Variants in INPP4B observed in about 807,000 individuals in gnomAD.
The protein encoded by INPP4B is inositol polyphosphate 4-phosphatase type II.
In INPP4B, 55 loss-of-function variants were observed where a neutral mutation model predicts 122.5. That is an observed-to-expected ratio of 0.45 (90% CI 0.36 to 0.56). The LOEUF (loss-of-function observed/expected upper bound fraction) is 0.56, where lower values mean the gene tolerates loss of function less well. INPP4B is among the 20% of genes least tolerant of loss of function. The pLI, the probability that INPP4B is intolerant of heterozygous loss-of-function variation, is 0.00. For missense variants in INPP4B, 1,000 were observed against 1,097.7 expected, an observed-to-expected ratio of 0.91 and a Z score of 1.26; for synonymous variants, 403 against 388.7, an observed-to-expected ratio of 1.04 and a Z score of -0.43.
chr4:142,324,155 A>G (rs2151450985), intron 7 of INPP4B, among the ~76,000 whole-genome samples: 1 of 152,316 alleles, frequency 6.6e-6, no homozygotes, highest in African/African-American at 2.4e-5. Flanking sequence ...AGGCAGCAAG[A>G]GGGCCACTGT....
At chr4:142,089,147 T>C (rs1415433438) in intron 23 of INPP4B, among the ~76,000 whole-genome samples, 1 of 152,190 alleles carries the variant, frequency 6.6e-6, no homozygotes, top group Non-Finnish European at 1.5e-5. Context: ...AGGAGAATCA[T>C]GTTCTGCTCT....
chr4:142,362,694 A>G (rs1185287858), intron 7 of INPP4B, among the ~76,000 whole-genome samples: 1 of 152,018 alleles, frequency 6.6e-6, no homozygotes, highest in African/African-American at 2.4e-5. Context: ...AGCAACATGG[A>G]TGCAGTTGGA....
chr4:142,628,869 C>A (rs1483808653), intron 2 of INPP4B, among the ~76,000 whole-genome samples: 2 of 151,950 alleles, frequency 1.3e-5, no homozygotes, highest in East Asian at 3.9e-4. Context: ...GGGAGGAGCA[C>A]AAATAAAGTA....
At chr4:142,468,166 A>G (rs1335148606) in intron 2 of INPP4B, 1 of 152,202 alleles carries the variant, frequency 6.6e-6, no homozygotes, top group Non-Finnish European at 1.5e-5. Context: ...TGAGGTTTTC[A>G]TAACATCCTT....
intron 2 of INPP4B, among the ~76,000 whole-genome samples, chr4:142,530,550 C>CATATAT (rs35595178): frequency 4.3e-4 from 61 of 140,468 alleles, no homozygotes; most frequent in Admixed American, 1.2e-3. Flanking sequence ...TATGTGTGTG[C>CATATAT]ATATATATAT....
intron 2 of INPP4B, among the ~76,000 whole-genome samples, chr4:142,611,916 G>A (rs1166920082): frequency 6.6e-6 from 1 of 152,116 alleles, no homozygotes; most frequent in Non-Finnish European, 1.5e-5. Context: ...TGATCCACCA[G>A]CCTCAGCCTC....
At chr4:142,780,403 A>C (rs1355144316) in intron 1 of INPP4B, among the ~76,000 whole-genome samples, 1 of 152,202 alleles carries the variant, frequency 6.6e-6, no homozygotes, top group Non-Finnish European at 1.5e-5. Context: ...ATACGAAATG[A>C]TGGAAGAAAT....
chr4:142,568,295 G>GA (rs1465411241), intron 2 of INPP4B, among the ~76,000 whole-genome samples: 1 of 151,802 alleles, frequency 6.6e-6, no homozygotes, highest in Admixed American at 6.6e-5. Flanking sequence ...TACTTTGTAA[G>GA]ACCTGAAACT....
chr4:142,039,671 T>G (rs10018891), intron 25 of INPP4B, among the ~76,000 whole-genome samples: 15,734 of 152,066 alleles, frequency 0.1, 1,487 homozygotes, highest in African/African-American at 0.25. Context: ...TCATTTCAAA[T>G]AACTGATTCC....
chr4:142,684,605 A>G (rs1285279065), intron 2 of INPP4B, among the ~76,000 whole-genome samples: 5 of 152,050 alleles, frequency 3.3e-5, no homozygotes, highest in Admixed American at 1.3e-4. Flanking sequence ...TAGGACGGTG[A>G]AAGAAATGTA....
intron 9 of INPP4B, among the ~76,000 whole-genome samples, chr4:142,300,483 A>C (rs1350828691): frequency 6.6e-6 from 1 of 152,210 alleles, no homozygotes; most frequent in African/African-American, 2.4e-5. Context: ...AATGCCAAAA[A>C]ATAAAAGCTT....
At chr4:142,047,281 T>C (rs1340177266) in intron 25 of INPP4B, among the ~76,000 whole-genome samples, 1 of 147,492 alleles carries the variant, frequency 6.8e-6, no homozygotes, top group Non-Finnish European at 1.5e-5. Flanking sequence ...GGGCACCAGT[T>C]TTTTTCTATC....
chr4:142,321,653 C>T (rs1360901750), intron 7 of INPP4B, among the ~76,000 whole-genome samples: 5 of 152,106 alleles, frequency 3.3e-5, no homozygotes, highest in African/African-American at 9.7e-5. Flanking sequence ...ATGTGACTTG[C>T]CAATTGTTCC....
At chr4:142,195,774 G>A (rs1167134969) in intron 14 of INPP4B, among the ~76,000 whole-genome samples, 2 of 152,158 alleles carry the variant, frequency 1.3e-5, no homozygotes, top group African/African-American at 2.4e-5. Context: ...CTGAATTAAT[G>A]AAAGTTTAAA....
intron 9 of INPP4B, among the ~76,000 whole-genome samples, chr4:142,293,829 T>C (rs1757444882): frequency 6.6e-6 from 1 of 152,238 alleles, no homozygotes; most frequent in South Asian, 2.1e-4. Context: ...ACTTCCTATC[T>C]CCACTTTAGG....
intron 5 of INPP4B, among the ~76,000 whole-genome samples, chr4:142,415,044 G>A (rs1805386751): frequency 6.6e-6 from 1 of 152,172 alleles, no homozygotes; most frequent in African/African-American, 2.4e-5. Context: ...AAAAAGAAAT[G>A]CAAGGAACCA....
chr4:142,505,545 G>A (rs968131100), intron 2 of INPP4B, among the ~76,000 whole-genome samples: 1 of 147,574 alleles, frequency 6.8e-6, no homozygotes, highest in Admixed American at 7.1e-5. Context: ...AAGTAAGATT[G>A]TGAAAATAAA....
chr4:142,178,091 C>A (rs901204873), intron 15 of INPP4B, among the ~76,000 whole-genome samples: 8 of 152,150 alleles, frequency 5.3e-5, no homozygotes, highest in Admixed American at 6.6e-5. Flanking sequence ...TCCAGCTTAA[C>A]CTGTCCCAAA....
chr4:142,777,407 T>C (rs542750385), intron 1 of INPP4B, among the ~76,000 whole-genome samples: 1 of 152,198 alleles, frequency 6.6e-6, no homozygotes, highest in South Asian at 2.1e-4. Context: ...GGGTGGCCTC[T>C]AGTAGCTGAG....
Sources: allele counts gnomAD v4.1 joint callset (sites outside exome capture counted in the v4.1 genomes callset), GRCh38; gene constraint gnomAD v4.1.1; transcripts MANE v1.5; gene names NCBI Gene and HGNC (gene_info 2026-07-23, HGNC 2026-07-21).